The following C1QTNF7 variants were observed in gnomAD, a reference collection of about 807,000 sequenced individuals.
C1QTNF7 encodes C1q and TNF related 7, also known as complement C1q tumor necrosis factor-related protein 7.
Under a neutral mutation model 19.6 loss-of-function variants are expected in C1QTNF7, and 15 were observed. That is an observed-to-expected ratio of 0.76 (90% CI 0.51 to 1.18). The LOEUF is 1.18. Among genes scored for constraint, C1QTNF7 ranks in the 50% most tolerant of loss-of-function variants. The pLI, the probability that C1QTNF7 is intolerant of heterozygous loss-of-function variation, is 0.00. For missense variants in C1QTNF7, 324 were observed against 359.7 expected (o/e 0.90, Z 0.80); for synonymous variants, 142 against 137.5 (o/e 1.03, Z -0.23).
intron 1 of C1QTNF7, among the ~76,000 whole-genome samples, chr4:15,385,881 T>C (rs1339618322): frequency 1.3e-5 from 2 of 152,256 alleles, no homozygotes; most frequent in Non-Finnish European, 2.9e-5. Context: ...TTACGGCTTA[T>C]ATATTACATT....
chr4:15,344,128 C>T (rs910333511), intron 1 of C1QTNF7, among the ~76,000 whole-genome samples: 2 of 152,222 alleles, frequency 1.3e-5, no homozygotes, highest in Non-Finnish European at 2.9e-5. Flanking sequence ...TGGAAAGTAG[C>T]AGGAAGGCTT....
rs1712850438 is a variant in C1QTNF7, at chr4:15,443,035, A to T, written c.*236A>T. 2.9e-6 allele frequency: 1 copy of T among 339,110 alleles called. No homozygotes were observed. The highest frequency in any genetic ancestry group is 5.2e-6 in the Non-Finnish European group (1 of 191,118). The allele number at this position is 339,110 out of a possible 1,614,324, so 21.0% of individuals were successfully genotyped here. A position where few individuals can be genotyped will look rare whatever the true frequency, so the allele number is the denominator to read the frequency against. ...TCTCTTGAAAGCAATGTTCATAAAT[A>T]TTTAAGCAAATTAAAGACAATGTTA... On this transcript the variant is annotated 3_prime_UTR_variant, in exon 3 of 3. Coordinates refer to ENST00000444304, the MANE Select transcript of C1QTNF7 (RefSeq NM_031911.5).
chr4:15,386,753 G>C (rs13102822), intron 1 of C1QTNF7, among the ~76,000 whole-genome samples: 1 of 152,058 alleles, frequency 6.6e-6, no homozygotes, highest in Non-Finnish European at 1.5e-5. Context: ...AGAACAGTGT[G>C]TGAAAATGTC....
At chr4:15,375,455 T>C (rs1429767871) in intron 1 of C1QTNF7, among the ~76,000 whole-genome samples, 1 of 152,202 alleles carries the variant, frequency 6.6e-6, no homozygotes, top group Admixed American at 6.5e-5. Flanking sequence ...TTAATAGTAA[T>C]TCTATAAATG....
At chr4:15,342,286 G>C (rs1468975994) in intron 1 of C1QTNF7, among the ~76,000 whole-genome samples, 10 of 152,164 alleles carry the variant, frequency 6.6e-5, no homozygotes, top group Non-Finnish European at 1.5e-5. Context: ...TATTAGCTTT[G>C]GGTGTCAGCC....
chr4:15,346,170 G>A (rs1716712406), intron 1 of C1QTNF7, among the ~76,000 whole-genome samples: 1 of 152,228 alleles, frequency 6.6e-6, no homozygotes, highest in East Asian at 1.9e-4. Context: ...CCCAAAGAAT[G>A]GTTTATTACC....
At chr4:15,359,888 ACAAG>A (rs1446575273) in intron 1 of C1QTNF7, among the ~76,000 whole-genome samples, 1 of 152,088 alleles carries the variant, frequency 6.6e-6, no homozygotes, top group East Asian at 1.9e-4. Flanking sequence ...TGTGATAAAC[ACAAG>A]CAAGCCCCAG....
intron 1 of C1QTNF7, among the ~76,000 whole-genome samples, chr4:15,420,219 G>C (rs1031934656): frequency 6.6e-6 from 1 of 152,130 alleles, no homozygotes; most frequent in African/African-American, 2.4e-5. Context: ...CTCAATGCCA[G>C]GCTTTCACTG....
At chr4:15,365,129 A>G (rs1340735926) in intron 1 of C1QTNF7, among the ~76,000 whole-genome samples, 1 of 152,190 alleles carries the variant, frequency 6.6e-6, no homozygotes, top group East Asian at 1.9e-4. Context: ...TTTTACAAGC[A>G]AACGAGCAGG....
At chr4:15,402,637 A>G (rs1012917139) in intron 1 of C1QTNF7, among the ~76,000 whole-genome samples, 3 of 152,236 alleles carry the variant, frequency 2.0e-5, no homozygotes, top group Non-Finnish European at 2.9e-5. Flanking sequence ...ATGGCAGAAG[A>G]TAAATAAATA....
chr4:15,440,727 T>G (rs1253338899), intron 2 of C1QTNF7, among the ~76,000 whole-genome samples: 1 of 151,968 alleles, frequency 6.6e-6, no homozygotes, highest in African/African-American at 2.4e-5. Context: ...TTTTTTTACC[T>G]GTCTGGGACT....
intron 1 of C1QTNF7, among the ~76,000 whole-genome samples, chr4:15,349,336 T>G (rs1716823163): frequency 6.6e-6 from 1 of 152,224 alleles, no homozygotes; most frequent in South Asian, 2.1e-4. Flanking sequence ...AATTCTTTTT[T>G]TCTTTGCATT....
At chr4:15,362,839 A>T (rs977391275) in intron 1 of C1QTNF7, among the ~76,000 whole-genome samples, 2 of 152,182 alleles carry the variant, frequency 1.3e-5, no homozygotes, top group Non-Finnish European at 2.9e-5. Context: ...CTTGCCTAAT[A>T]GTTTATTATT....
chr4:15,399,840 T>G (rs943461658), intron 1 of C1QTNF7, among the ~76,000 whole-genome samples: 12 of 152,220 alleles, frequency 7.9e-5, no homozygotes, highest in Non-Finnish European at 7.3e-5. Context: ...ATATACTGAG[T>G]GCCCACTTGA....
intron 1 of C1QTNF7, among the ~76,000 whole-genome samples, chr4:15,378,397 C>A (rs1056862202): frequency 1.3e-5 from 2 of 152,180 alleles, no homozygotes; most frequent in Non-Finnish European, 2.9e-5. Context: ...TTCTTAGTAT[C>A]ATATGCCATA....
At chr4:15,422,986 T>A (rs748964564) in intron 1 of C1QTNF7, among the ~76,000 whole-genome samples, 1 of 152,210 alleles carries the variant, frequency 6.6e-6, no homozygotes, top group Non-Finnish European at 1.5e-5. Context: ...AGTATTATGA[T>A]CTGGGATAAT....
In C1QTNF7 at chr4:15,442,714, G is replaced by A. The variant is rs1577287745; in HGVS notation, c.785G>A (p.Gly262Asp). The A allele has an allele frequency of 3.1e-6, 5 of 1,614,126 alleles. No individual in the cohort carries two copies. The highest frequency in any genetic ancestry group is 4.2e-6 in the Non-Finnish European group (5 of 1,180,026). Residue 262 changes from glycine (G) to aspartate (D), a missense_variant, in exon 3 of 3, where the codon GGT becomes GAT. By Grantham distance (94) the Gly-to-Asp change is moderately conservative. Transcript: ENST00000444304. ...TDQNGLFSDP[G>D]WADSLFSGFL... is the part of the protein sequence containing the mutation. ...CAGAATGGCCTCTTCTCAGACCCAG[G>A]TTGGGCAGACAGCTTATTCTCCGGG...
chr4:15,436,601 C>T (rs1464450281), intron 2 of C1QTNF7, among the ~76,000 whole-genome samples: 1 of 152,236 alleles, frequency 6.6e-6, no homozygotes, highest in African/African-American at 2.4e-5. Flanking sequence ...AGCTAAAAAG[C>T]AGATTTTTAC....
rs1250378123 is a variant in C1QTNF7 at position 15,385,410 on chromosome 4, C to A, written c.13+45203C>A. 3.3e-5 allele frequency among the ~76,000 whole-genome samples: 5 copies of A among 152,316 alleles called. No individual in the cohort carries two copies. In the South Asian group the frequency reaches 1.0e-3, roughly 32 times the overall value. ...AATGTTGGAGCAGAGATATAAGCCA[C>A]ATCAGCCTCTGGGAGAACAGCATTC... is the stretch of plus-strand genomic sequence containing the variant. On this transcript the variant is annotated intron_variant, in intron 1 of 2. Transcript: ENST00000295297.
Sources: gnomAD v4.1 joint callset for allele counts (sites outside exome capture counted in the v4.1 genomes callset) on GRCh38, gnomAD v4.1.1 for gene constraint, MANE v1.5 for transcripts, NCBI Gene and HGNC (gene_info 2026-07-23, HGNC 2026-07-21) for gene names.